The following CFAP299 variants were observed in gnomAD, a reference collection of about 807,000 sequenced individuals.
CFAP299 encodes cilia and flagella associated protein 299, also known as cilia- and flagella-associated protein 299.
In CFAP299, 21 loss-of-function variants were observed where a neutral mutation model predicts 27.0. The ratio of observed to expected loss-of-function variants is 0.78; its 90% CI spans 0.55 to 1.12. The LOEUF is 1.12. Ranked by LOEUF, CFAP299 falls within the 50% of genes most tolerant of loss-of-function variation. CFAP299 has a pLI of 0.00. For missense variants in CFAP299, 310 were observed against 276.6 expected, an observed-to-expected ratio of 1.12 and a Z score of -0.86; for synonymous variants, 104 against 98.1, an observed-to-expected ratio of 1.06 and a Z score of -0.36.
At chr4:80,342,885 T>C (rs2109971755) in intron 1 of CFAP299, among the ~76,000 whole-genome samples, 1 of 152,300 alleles carries the variant, frequency 6.6e-6, no homozygotes, top group Non-Finnish European at 1.5e-5. Flanking sequence ...AATGGCAATC[T>C]GGATAAAGAG....
At chr4:80,683,363 A>G (rs181713375) in intron 3 of CFAP299, among the ~76,000 whole-genome samples, 56 of 152,308 alleles carry the variant, frequency 3.7e-4, no homozygotes, top group African/African-American at 1.2e-3. Context: ...GTGAATTTTC[A>G]TAATGTCAAA....
chr4:80,842,394 C>G (rs1056465129), intron 3 of CFAP299, among the ~76,000 whole-genome samples: 3 of 152,120 alleles, frequency 2.0e-5, no homozygotes, highest in Non-Finnish European at 2.9e-5. Flanking sequence ...AGACAACAGA[C>G]TTAGAAATTC....
chr4:80,688,993 A>G (rs961318580), intron 3 of CFAP299, among the ~76,000 whole-genome samples: 19 of 152,186 alleles, frequency 1.2e-4, no homozygotes, highest in Non-Finnish European at 2.6e-4. Flanking sequence ...AGTTTAGAGA[A>G]AAAAGATAAA....
At chr4:80,827,379 C>A (rs1358999879) in intron 3 of CFAP299, among the ~76,000 whole-genome samples, 1 of 151,630 alleles carries the variant, frequency 6.6e-6, no homozygotes, top group Non-Finnish European at 1.5e-5. Context: ...GGGATTTATT[C>A]TTTGAATAAA....
At chr4:80,909,341 C>T (rs1403187172) in intron 4 of CFAP299, among the ~76,000 whole-genome samples, 4 of 151,832 alleles carry the variant, frequency 2.6e-5, no homozygotes, top group African/African-American at 9.7e-5. Flanking sequence ...AAGTTTCTAG[C>T]TTTGGCACTA....
chr4:80,784,570 T>G (rs1309160312), intron 3 of CFAP299, among the ~76,000 whole-genome samples: 1 of 151,948 alleles, frequency 6.6e-6, no homozygotes, highest in Non-Finnish European at 1.5e-5. Context: ...CAGGCTGGAG[T>G]GCAATGGTGT....
chr4:80,608,262 T>G (rs1737779047), intron 3 of CFAP299: 1 of 1,002,038 alleles, frequency 1.0e-6, no homozygotes, highest in African/African-American at 1.6e-5. Flanking sequence ...GTTCAAGCTA[T>G]ACTTTAGATA....
intron 3 of CFAP299, among the ~76,000 whole-genome samples, chr4:80,760,018 A>G (rs957406964): frequency 6.6e-6 from 1 of 152,082 alleles, no homozygotes; most frequent in African/African-American, 2.4e-5. Flanking sequence ...GCCAGAGAAA[A>G]AATTTTATTT....
intron 3 of CFAP299, among the ~76,000 whole-genome samples, chr4:80,670,602 C>T (rs1179636361): frequency 6.6e-6 from 1 of 152,194 alleles, no homozygotes; most frequent in Non-Finnish European, 1.5e-5. Context: ...TACACTCCTA[C>T]CAATAGTGTA....
At chr4:80,386,943 T>C (rs1335781104) in intron 2 of CFAP299, 2 of 875,604 alleles carry the variant, frequency 2.3e-6, no homozygotes, top group Non-Finnish European at 3.9e-6. Context: ...TTTGAGGTAA[T>C]GCACCCGCCG....
chr4:80,448,978 A>G (rs891816034), intron 2 of CFAP299, among the ~76,000 whole-genome samples: 2 of 152,182 alleles, frequency 1.3e-5, no homozygotes, highest in Non-Finnish European at 2.9e-5. Flanking sequence ...CCTAATTAAA[A>G]GCATCAGGCA....
intron 5 of CFAP299, among the ~76,000 whole-genome samples, chr4:80,950,011 A>G (rs1240619238): frequency 1.3e-5 from 2 of 152,128 alleles, no homozygotes; most frequent in African/African-American, 2.4e-5. Context: ...ATAGTTGGCA[A>G]ATTTTGAGTT....
At chr4:80,419,732 T>C (rs1419527288) in intron 2 of CFAP299, among the ~76,000 whole-genome samples, 1 of 152,120 alleles carries the variant, frequency 6.6e-6, no homozygotes, top group Non-Finnish European at 1.5e-5. Flanking sequence ...AGTAGTGGGA[T>C]TGTTGGATCA....
At chr4:80,637,908 T>C (rs916353283) in intron 3 of CFAP299, among the ~76,000 whole-genome samples, 10 of 152,232 alleles carry the variant, frequency 6.6e-5, no homozygotes, top group African/African-American at 2.4e-4. Context: ...ATTTCTTTTG[T>C]CACACAAAGT....
At position 80,608,332 on chromosome 4, in the gene CFAP299, G is replaced by A. The variant is rs1364993978; in HGVS notation, c.333+25149G>A. On this transcript the variant is annotated intron_variant, in intron 3 of 5. Transcript: ENST00000358105. ...GGATTTCCCCTTTTAATTTGTTTAA[G>A]CTAAATCAACAGGAGACTGATGCTG... 5.2e-6 allele frequency: 8 copies of A among 1,527,528 alleles called. No individual in the cohort carries two copies. The African/African-American group carries it at 6.9e-5, about 13-fold the overall frequency. The allele number at this position is 1,527,528 out of a possible 1,614,324, so 94.6% of individuals were successfully genotyped here. A position where few individuals can be genotyped will look rare whatever the true frequency, so the allele number is the denominator to read the frequency against.
intron 4 of CFAP299, among the ~76,000 whole-genome samples, chr4:80,880,702 G>A (rs1310194306): frequency 6.6e-6 from 1 of 151,888 alleles, no homozygotes; most frequent in African/African-American, 2.4e-5. Flanking sequence ...CTCCAGGCTA[G>A]GTGACAGAGC....
chr4:80,758,105 G>A (rs1436983344), intron 3 of CFAP299, among the ~76,000 whole-genome samples: 1 of 152,164 alleles, frequency 6.6e-6, no homozygotes, highest in African/African-American at 2.4e-5. Flanking sequence ...ACAGCTCAGT[G>A]GAGTGTCAGT....
rs557474608 is a variant in CFAP299, at chr4:80,532,048, G to T, written c.243-51045G>T. 2.0e-5 allele frequency among the ~76,000 whole-genome samples: 3 copies of T among 152,140 alleles called. No homozygotes were observed. The East Asian group carries it at 5.8e-4, about 29-fold the overall frequency. ...TGGGATTACAGGCGTGAGCCACTCCGCCCGGCCTAAGACAGAATTTGTTAA... is the reference window on the plus strand; with the variant it reads ...TGGGATTACAGGCGTGAGCCACTCCTCCCGGCCTAAGACAGAATTTGTTAA... On this transcript the variant is annotated intron_variant, in intron 2 of 5. Transcript: ENST00000358105.
At chr4:80,615,929 T>G (rs1017848546) in intron 3 of CFAP299, among the ~76,000 whole-genome samples, 2 of 152,082 alleles carry the variant, frequency 1.3e-5, no homozygotes, top group Non-Finnish European at 2.9e-5. Flanking sequence ...GGGCAGTCAC[T>G]CTCACCTCCG....
Sources: gnomAD v4.1 joint callset for allele counts (sites outside exome capture counted in the v4.1 genomes callset) on GRCh38, gnomAD v4.1.1 for gene constraint, MANE v1.5 for transcripts, NCBI Gene and HGNC (gene_info 2026-07-23, HGNC 2026-07-21) for gene names.